Variants in GRB10 observed in about 807,000 individuals in gnomAD.
GRB10 encodes growth factor receptor-bound protein 10.
GRB10 carries 20 observed loss-of-function variants against 80.9 expected under a neutral mutation model. The observed-to-expected ratio is 0.25, with a 90% CI of 0.17 to 0.36. GRB10 has a LOEUF of 0.36. Among genes scored for constraint, GRB10 ranks in the 10% least tolerant of loss-of-function variants. The pLI, the probability that GRB10 is intolerant of heterozygous loss-of-function variation, is 1.00. For synonymous variants in GRB10, 291 were observed against 291.5 expected, an observed-to-expected ratio of 1.00 and a Z score of 0.02; for missense variants, 548 against 747.7, an observed-to-expected ratio of 0.73 and a Z score of 3.12.
At chr7:50,722,550 T>C (rs1215495478) in intron 4 of GRB10, among the ~76,000 whole-genome samples, 2 of 151,996 alleles carry the variant, frequency 1.3e-5, no homozygotes. Flanking sequence ...AGCAACAGCT[T>C]CAAAGCCCTG....
intron 2 of GRB10, among the ~76,000 whole-genome samples, chr7:50,777,235 C>T (rs963912944): frequency 6.6e-6 from 1 of 152,068 alleles, no homozygotes; most frequent in African/African-American, 2.4e-5. Context: ...ATGCTGTATC[C>T]TCATATGGTG....
At position 50,723,725 on chromosome 7, in the gene GRB10, G is replaced by A. The variant is rs568500085; in HGVS notation, c.51+8547C>T. ...GCAGGTATAACTGTCAGCCTCACAC[G>A]CCTGAAGCGGTACTGGGATTCAAAC... On this transcript the variant is annotated intron_variant, in intron 4 of 18. Coordinates refer to ENST00000401949, the MANE Select transcript of GRB10 (RefSeq NM_001350814.2). Among the ~76,000 whole-genome samples, 6 of 152,322 alleles carry A rather than the reference G, an allele frequency of 3.9e-5. No individual in the cohort carries two copies. In the East Asian group the frequency reaches 7.7e-4, roughly 20 times the overall value.
At chr7:50,721,494 T>TGCTG (rs2067737177) in intron 4 of GRB10, among the ~76,000 whole-genome samples, 1 of 152,232 alleles carries the variant, frequency 6.6e-6, no homozygotes, top group Non-Finnish European at 1.5e-5. Flanking sequence ...AGAGGAACAA[T>TGCTG]GCTGGCCATT....
intron 5 of GRB10, among the ~76,000 whole-genome samples, chr7:50,693,170 C>A (rs1275855302): frequency 6.6e-6 from 1 of 152,180 alleles, no homozygotes; most frequent in Non-Finnish European, 1.5e-5. Context: ...AGCCCAAAGC[C>A]AGGCTATGTC....
At chr7:50,593,441 C>G (rs2046074347) in intron 18 of GRB10, among the ~76,000 whole-genome samples, 1 of 152,104 alleles carries the variant, frequency 6.6e-6, no homozygotes, top group Non-Finnish European at 1.5e-5. Flanking sequence ...TTGTAAGTAC[C>G]CACTGCACAC....
chr7:50,758,649 T>C (rs896546922), intron 2 of GRB10, among the ~76,000 whole-genome samples: 27 of 152,266 alleles, frequency 1.8e-4, no homozygotes, highest in African/African-American at 5.5e-4. Context: ...TGGAGTGAAG[T>C]CTAGGCCTTC....
rs145038496 is a variant in GRB10, at chr7:50,648,543, T to C, written c.504+21179A>G. Among the ~76,000 whole-genome samples the C allele has an allele frequency of 8.6e-4, 131 of 152,240 alleles. 1 individual carries two copies. Among genetic ancestry groups the C allele is most frequent in the African/African-American group, 3.1e-3 (127 of 41,536 alleles). ...GACCCAAGGCGGTAAGGAAGACCCATCCTCAGTTTTGCCTTTGGGAATCCT... is the reference window on the plus strand; with the variant it reads ...GACCCAAGGCGGTAAGGAAGACCCACCCTCAGTTTTGCCTTTGGGAATCCT... On this transcript the variant is annotated intron_variant, in intron 7 of 18. Transcript: ENST00000401949.
chr7:50,615,821 A>G (rs1471933854), intron 11 of GRB10, among the ~76,000 whole-genome samples: 1 of 152,216 alleles, frequency 6.6e-6, no homozygotes, highest in East Asian at 1.9e-4. Flanking sequence ...ATTTCATGAA[A>G]TATCTATGAT....
chr7:50,768,789 T>C (rs6593174), intron 2 of GRB10, among the ~76,000 whole-genome samples: 96,188 of 152,116 alleles, frequency 0.63, 32,710 homozygotes, highest in Middle Eastern at 0.87. Flanking sequence ...TGTTCACAAG[T>C]GTCTGAAAGG....
At chr7:50,703,771 T>A in intron 5 of GRB10, 50 bp downstream of exon 5, 1 of 1,322,136 alleles carries the variant, frequency 7.6e-7, no homozygotes. Context: ...ATCTGGGCAC[T>A]GCTGCAAAGC....
intron 5 of GRB10, among the ~76,000 whole-genome samples, chr7:50,680,252 T>C (rs1052962781): frequency 6.6e-6 from 1 of 152,184 alleles, no homozygotes; most frequent in Admixed American, 6.5e-5. Context: ...CATATAAATA[T>C]CCTTGTACCT....
At chr7:50,676,469 C>T (rs1009276077) in intron 5 of GRB10, among the ~76,000 whole-genome samples, 1 of 151,824 alleles carries the variant, frequency 6.6e-6, no homozygotes, top group Admixed American at 6.6e-5. Flanking sequence ...AAAAAGTGAT[C>T]GTTATTAACC....
At chr7:50,784,956 A>G (rs532578802), upstream of GRB10, among the ~76,000 whole-genome samples, 1 of 152,370 alleles carries the variant, frequency 6.6e-6, no homozygotes, top group South Asian at 2.1e-4. Flanking sequence ...TCCTCTCCCC[A>G]GCTCCATCAG....
rs1463470397 is a variant in GRB10, at chr7:50,773,463, GAAGGC to G, written c.-217+7159_-217+7163del. On this transcript the variant is annotated intron_variant, in intron 2 of 18. Transcript: ENST00000401949. ...GGAGAAAGGGGAAGGGAGGGGAGGG[GAAGGC>G]AGGGGAGGGGAAGGCAGGGGAGGGG... 2.7e-3 allele frequency among the ~76,000 whole-genome samples: 29 copies of G among 10,734 alleles called. No homozygotes were observed. In the East Asian group the frequency reaches 0.06, roughly 22 times the overall value. 7.0% of individuals were successfully genotyped at this position (10,734 alleles called of 152,430 possible).
intron 4 of GRB10, among the ~76,000 whole-genome samples, chr7:50,720,117 C>A (rs2067474575): frequency 1.3e-5 from 2 of 152,098 alleles, no homozygotes; most frequent in South Asian, 4.2e-4. Flanking sequence ...GAAACACTAA[C>A]AAACACATCA....
chr7:50,674,723 T>G lies in GRB10; in HGVS notation c.140-65A>C, dbSNP rs1302388900. The G allele has an allele frequency of 3.0e-6, 4 of 1,346,140 alleles. No homozygotes were observed. The Admixed American group carries it at 7.0e-5, about 24-fold the overall frequency. 83.4% of individuals were successfully genotyped at this position (1,346,140 alleles called of 1,614,324 possible). ...AATGGAGAGCAATCAAACCCAAATG[T>G]ACATCTTGGTGATCAGGTTCCAAAC... On this transcript the variant is annotated intron_variant, in intron 5 of 18. Transcript: ENST00000401949.
chr7:50,758,264 C>T (rs1259372442), intron 2 of GRB10, among the ~76,000 whole-genome samples: 3 of 152,240 alleles, frequency 2.0e-5, no homozygotes, highest in South Asian at 4.2e-4. Context: ...ACACTTCACA[C>T]GCTGACCCGG....
intron 7 of GRB10, among the ~76,000 whole-genome samples, chr7:50,642,819 T>C (rs998569304): frequency 1.3e-5 from 2 of 152,206 alleles, no homozygotes; most frequent in African/African-American, 4.8e-5. Context: ...AATGTGTTCA[T>C]TGTAGCAAAT....
chr7:50,622,415 A>G (rs922350587), intron 8 of GRB10, among the ~76,000 whole-genome samples: 1 of 152,202 alleles, frequency 6.6e-6, no homozygotes, highest in East Asian at 1.9e-4. Context: ...AGTTACTGCC[A>G]CGGTGTTTCC....
Sources: gnomAD v4.1 joint callset for allele counts (sites outside exome capture counted in the v4.1 genomes callset) on GRCh38, gnomAD v4.1.1 for gene constraint, MANE v1.5 for transcripts, NCBI Gene and HGNC (gene_info 2026-07-23, HGNC 2026-07-21) for gene names.